Variants in CUX2 observed in about 807,000 individuals in gnomAD.
CUX2 encodes the protein homeobox protein cut-like 2.
A neutral mutation model predicts 144.8 loss-of-function variants in CUX2; 40 were observed. The ratio of observed to expected loss-of-function variants is 0.28; its 90% CI spans 0.21 to 0.36. The LOEUF (loss-of-function observed/expected upper bound fraction) is 0.36. Among genes scored for constraint, CUX2 ranks in the 10% least tolerant of loss-of-function variants. The probability of loss-of-function intolerance (pLI) is 1.00; values close to 1 mark genes in which losing one functional copy is unlikely to be tolerated. For synonymous variants in CUX2, 827 were observed against 875.6 expected, an observed-to-expected ratio of 0.94 and a Z score of 0.98; for missense variants, 1,615 against 1,994.0, an observed-to-expected ratio of 0.81 and a Z score of 3.62.
rs1278474443 is a variant in CUX2, at chr12:111,246,294, T to C, written c.223-17467T>C. 6.6e-6 allele frequency among the ~76,000 whole-genome samples: 1 copy of C among 152,198 alleles called. No homozygotes were observed. Among genetic ancestry groups the C allele is most frequent in the East Asian group, 1.9e-4 (1 of 5,188 alleles). On this transcript the variant is annotated intron_variant, in intron 3 of 21. Transcript: ENST00000261726. This position sits in a 1 kb window ranked among gnomAD's most constrained non-coding sequence, Gnocchi z 4.0. ...TTACACCACAGCCATTGGCAGACAC[T>C]ACAAATCAGACCTTTTTTATTTTTT...
chr12:111,203,825 A>G (rs1305415565), intron 1 of CUX2, among the ~76,000 whole-genome samples: 1 of 152,222 alleles, frequency 6.6e-6, no homozygotes, highest in Non-Finnish European at 1.5e-5. Flanking sequence ...TCACCTAGGC[A>G]GGCAATGACA....
intron 1 of CUX2, among the ~76,000 whole-genome samples, chr12:111,194,448 T>A (rs1880109699): frequency 6.6e-6 from 1 of 152,256 alleles, no homozygotes; most frequent in Non-Finnish European, 1.5e-5. Context: ...TTGTCTGAAC[T>A]TGTTGCCAGT....
intron 1 of CUX2, among the ~76,000 whole-genome samples, chr12:111,135,786 A>G (rs1468410031): frequency 6.6e-6 from 1 of 152,240 alleles, no homozygotes; most frequent in Non-Finnish European, 1.5e-5. Context: ...AGGCAAATCC[A>G]TAGAGACAGA....
chr12:111,140,081 T>C (rs1052095877), intron 1 of CUX2, among the ~76,000 whole-genome samples: 1 of 152,236 alleles, frequency 6.6e-6, no homozygotes, highest in African/African-American at 2.4e-5. Flanking sequence ...GTAACTTCTC[T>C]GTTCTTTTTC....
intron 4 of CUX2, among the ~76,000 whole-genome samples, chr12:111,283,503 G>C (rs1297850345): frequency 2.0e-5 from 3 of 152,180 alleles, no homozygotes; most frequent in African/African-American, 7.2e-5. Context: ...GGAGTCCACA[G>C]ATGACGGGCA....
chr12:111,240,800 T>G (rs1289936287), intron 3 of CUX2, among the ~76,000 whole-genome samples: 2 of 152,156 alleles, frequency 1.3e-5, no homozygotes, highest in Non-Finnish European at 2.9e-5. Flanking sequence ...CTGAAGACAT[T>G]TGGGTTTTTG....
intron 18 of CUX2, among the ~76,000 whole-genome samples, chr12:111,332,652 T>C (rs1312924373): frequency 6.6e-6 from 1 of 152,246 alleles, no homozygotes; most frequent in East Asian, 1.9e-4. Context: ...TACAGAAAAA[T>C]TGAAACAGTA....
intron 19 of CUX2, 126 bp from the exon 20 acceptor site, chr12:111,338,160 C>T: frequency 2.0e-6 from 2 of 1,021,056 alleles, no homozygotes; most frequent in Non-Finnish European, 2.8e-6. Context: ...CTGGCCCTCC[C>T]TTCGGAGTCA....
intron 1 of CUX2, among the ~76,000 whole-genome samples, chr12:111,048,938 C>A (rs1870128044): frequency 6.6e-6 from 1 of 152,050 alleles, no homozygotes; most frequent in African/African-American, 2.4e-5. Context: ...GTTGGGGGAT[C>A]ACCTCTTTAT....
At chr12:111,128,095 G>A (rs542418954) in intron 1 of CUX2, among the ~76,000 whole-genome samples, 46 of 152,240 alleles carry the variant, frequency 3.0e-4, no homozygotes, top group African/African-American at 1.0e-3. Flanking sequence ...CACAGGCTTC[G>A]TCCTCAAATT....
chr12:111,157,928 A>C (rs1005726007), intron 1 of CUX2, among the ~76,000 whole-genome samples: 1 of 152,202 alleles, frequency 6.6e-6, no homozygotes, highest in Non-Finnish European at 1.5e-5. Context: ...AACATCCATG[A>C]GACCACATGA....
chr12:111,344,687 C>T (rs1042041750), intron 21 of CUX2, among the ~76,000 whole-genome samples: 5 of 151,988 alleles, frequency 3.3e-5, no homozygotes, highest in Non-Finnish European at 7.4e-5. Context: ...GGGGAGGGTA[C>T]GGACTAGGTG....
chr12:111,049,307 AC>A (rs1870152900), intron 1 of CUX2, among the ~76,000 whole-genome samples: 1 of 152,146 alleles, frequency 6.6e-6, no homozygotes, highest in East Asian at 1.9e-4. Flanking sequence ...CCACCCAGCA[AC>A]CTTCTCATCC....
chr12:111,202,143 A>AT (rs1880633761), intron 1 of CUX2, among the ~76,000 whole-genome samples: 2 of 152,154 alleles, frequency 1.3e-5, no homozygotes, highest in South Asian at 4.1e-4. Flanking sequence ...GTGAATGATC[A>AT]TTTTGTGGGA....
intron 1 of CUX2, among the ~76,000 whole-genome samples, chr12:111,060,341 C>G (rs1870713255): frequency 6.6e-6 from 1 of 152,212 alleles, no homozygotes; most frequent in South Asian, 2.1e-4. Flanking sequence ...TCCTGGTCTC[C>G]CTGCCTGGAA....
chr12:111,146,417 T>C (rs1313735438), intron 1 of CUX2, among the ~76,000 whole-genome samples: 1 of 152,208 alleles, frequency 6.6e-6, no homozygotes, highest in African/African-American at 2.4e-5. Flanking sequence ...TTTTTCAGTA[T>C]GTTGTATAGT....
chr12:111,070,731 G>A (rs1353727807), intron 1 of CUX2, among the ~76,000 whole-genome samples: 1 of 152,020 alleles, frequency 6.6e-6, no homozygotes, highest in Non-Finnish European at 1.5e-5. Context: ...GATTTTTGCT[G>A]CCCTAAAAAT....
At chr12:111,211,902 A>G (rs916430392) in intron 1 of CUX2, among the ~76,000 whole-genome samples, 4 of 151,888 alleles carry the variant, frequency 2.6e-5, no homozygotes, top group East Asian at 1.9e-4. Flanking sequence ...AAAAAAAAAA[A>G]GTGTCAGACA....
chr12:111,191,480 C>T (rs956737084), intron 1 of CUX2, among the ~76,000 whole-genome samples: 7 of 152,088 alleles, frequency 4.6e-5, no homozygotes, highest in Non-Finnish European at 7.4e-5. Flanking sequence ...TACAGGCACA[C>T]GCCACCACGC....
Sources: allele counts gnomAD v4.1 joint callset (sites outside exome capture counted in the v4.1 genomes callset), GRCh38; gene constraint gnomAD v4.1.1; non-coding constraint Gnocchi (gnomAD v3.1); transcripts MANE v1.5; gene names NCBI Gene and HGNC (gene_info 2026-07-23, HGNC 2026-07-21).